The following MMP24 variants were observed in gnomAD, a reference collection of about 807,000 sequenced individuals.
MMP24 encodes matrix metalloproteinase-24.
A neutral mutation model predicts 62.8 loss-of-function variants in MMP24; 25 were observed. The ratio of observed to expected loss-of-function variants is 0.40; its 90% CI spans 0.29 to 0.56. The LOEUF (loss-of-function observed/expected upper bound fraction) is 0.56, where lower values mean the gene tolerates loss of function less well. MMP24 is among the 20% of genes least tolerant of loss of function. The pLI is 0.50. For synonymous variants in MMP24, 319 were observed against 350.5 expected, an observed-to-expected ratio of 0.91 and a Z score of 1.00; for missense variants, 634 against 853.6, an observed-to-expected ratio of 0.74 and a Z score of 3.21.
intron 1 of MMP24, among the ~76,000 whole-genome samples, chr20:35,232,038 G>A (rs1322556539): frequency 1.3e-5 from 2 of 152,068 alleles, no homozygotes; most frequent in African/African-American, 2.4e-5. Flanking sequence ...GTGAATCTCC[G>A]TCTCAGAAGA....
chr20:35,233,341 G>A (rs1049721254), intron 1 of MMP24, among the ~76,000 whole-genome samples: 3 of 152,048 alleles, frequency 2.0e-5, no homozygotes, highest in East Asian at 1.9e-4. Context: ...CCTGGGAGGC[G>A]GAGGTTACAG....
In MMP24 at chr20:35,264,707, CAAAAAAA is replaced by C. The variant is rs57309455; in HGVS notation, c.979+780_979+786del. Among the ~76,000 whole-genome samples, 18 of 43,540 alleles carry C rather than the reference CAAAAAAA, an allele frequency of 4.1e-4. No homozygotes were observed. The East Asian group carries it at 0.012, about 30-fold the overall frequency. 28.6% of individuals were successfully genotyped at this position (43,540 alleles called of 152,430 possible). Reference sequence around the variant, plus strand: ...TGGGCAACAGGGCGAGACTCCGTCTCAAAAAAAAAAAAAAAAAAAAAAAAAAAAAAAG... The same window carrying C: ...TGGGCAACAGGGCGAGACTCCGTCTCAAAAAAAAAAAAAAAAAAAAAAAAG... On this transcript the variant is annotated intron_variant, in intron 5 of 8. Coordinates refer to ENST00000246186, the MANE Select transcript of MMP24 (RefSeq NM_006690.4).
chr20:35,251,984 A>T lies in MMP24; in HGVS notation c.475A>T (p.Thr159Ser). The change falls in exon 3 of 9, where the codon ACT becomes TCT. Residue 159 changes from threonine to serine, a missense_variant. Around this residue, in one of 3 missense-constraint regions of MMP24, gnomAD observed 212 missense variants for 259.6 expected, o/e 0.82. Coordinates refer to ENST00000246186, the MANE Select transcript of MMP24 (RefSeq NM_006690.4). ...GCGGAGAAACAAGCGCTATGCCCTG[A>T]CTGGACAGAAGTGGAGGCAAAAACA... ...RRRRNKRYAL[T>S]GQKWRQKHIT... The T allele has an allele frequency of 6.2e-7, 1 of 1,614,042 alleles. No individual in the cohort carries two copies. The highest frequency in any genetic ancestry group is 1.1e-5 in the South Asian group (1 of 91,086).
At chr20:35,242,049 CATA>C (rs1417507649) in intron 1 of MMP24, among the ~76,000 whole-genome samples, 1 of 152,174 alleles carries the variant, frequency 6.6e-6, no homozygotes, top group African/African-American at 2.4e-5. Flanking sequence ...CATATTAAAA[CATA>C]ATGTCTTGTG....
Position 35,271,725 on chromosome 20 carries a change from G to A in MMP24, c.1490G>A (p.Trp497Ter). The A allele has an allele frequency of 6.2e-7, 1 of 1,606,914 alleles. No individual in the cohort carries two copies. Among genetic ancestry groups the A allele is most frequent in the Non-Finnish European group, 8.5e-7 (1 of 1,177,040 alleles). ...TACTTTTTCAAAGGCGAGCGGTACT[G>A]GCGCTACAGCGAGGAGCGGCGGGCC... ...KTYFFKGERY[W>*]RYSEERRATD... The change falls in exon 8 of 9, where the codon TGG (tryptophan) becomes TAG (stop). Residue 497 changes from tryptophan (W) to a stop codon, truncating the protein, a stop_gained. Transcript: ENST00000246186. LOFTEE classifies it high-confidence loss of function. The surrounding 1 kb of genome is among the most constrained non-coding windows in gnomAD (Gnocchi z 4.0).
intron 5 of MMP24, 39 bp from the exon 6 acceptor site, chr20:35,267,166 A>G: frequency 6.7e-7 from 1 of 1,500,404 alleles, no homozygotes; most frequent in South Asian, 1.2e-5. Flanking sequence ...GAGGCGGGAA[A>G]CGGCTGCCCC....
intron 1 of MMP24, among the ~76,000 whole-genome samples, chr20:35,239,998 T>C (rs2060481658): frequency 6.6e-6 from 1 of 152,126 alleles, no homozygotes; most frequent in Non-Finnish European, 1.5e-5. Context: ...GTGTGAGGTA[T>C]AGGAAGTCCT....
At chr20:35,238,481 G>A (rs2060473929) in intron 1 of MMP24, among the ~76,000 whole-genome samples, 1 of 152,172 alleles carries the variant, frequency 6.6e-6, no homozygotes, top group African/African-American at 2.4e-5. Context: ...AGGGGAGAGT[G>A]AACTGAATAG....
chr20:35,268,870 A>C (rs1261394668), intron 6 of MMP24, among the ~76,000 whole-genome samples: 1 of 152,118 alleles, frequency 6.6e-6, no homozygotes, highest in Non-Finnish European at 1.5e-5. Flanking sequence ...TACTAAAAAT[A>C]TAAAAAATTA....
At chr20:35,227,172 G>T (rs1417691563) in intron 1 of MMP24, among the ~76,000 whole-genome samples, 188 bp downstream of exon 1, 3 of 151,116 alleles carry the variant, frequency 2.0e-5, no homozygotes, top group Non-Finnish European at 4.4e-5. Context: ...CCTCGCCGAG[G>T]GCCGCCGAGG....
intron 4 of MMP24, among the ~76,000 whole-genome samples, chr20:35,255,110 C>T (rs1004341481): frequency 6.6e-6 from 1 of 152,208 alleles, no homozygotes; most frequent in African/African-American, 2.4e-5. Context: ...GCAGGTGGAT[C>T]ACCTGAGGTC....
At chr20:35,227,891 T>G (rs1024666391) in intron 1 of MMP24, among the ~76,000 whole-genome samples, 3 of 152,174 alleles carry the variant, frequency 2.0e-5, no homozygotes, top group African/African-American at 7.2e-5. Flanking sequence ...GAATTGGAAT[T>G]CTAACCTAGG....
At chr20:35,249,592 C>A (rs1600785450) in intron 2 of MMP24, among the ~76,000 whole-genome samples, 2 of 143,856 alleles carry the variant, frequency 1.4e-5, no homozygotes, top group South Asian at 4.4e-4. Flanking sequence ...ATAATAATTT[C>A]TTTTTTTTTT....
At chr20:35,257,950 C>G (rs753120841) in intron 4 of MMP24, among the ~76,000 whole-genome samples, 13 of 152,170 alleles carry the variant, frequency 8.5e-5, no homozygotes, top group Admixed American at 2.6e-4. Context: ...TATTGAGCAT[C>G]CATATATTAT....
In MMP24 at chr20:35,271,492, T is replaced by G. The variant is rs966752002; in HGVS notation, c.1334-77T>G. The G allele has an allele frequency of 7.8e-6, 12 of 1,531,834 alleles. No individual in the cohort carries two copies. Among genetic ancestry groups the G allele is most frequent in the Non-Finnish European group, 1.1e-5 (12 of 1,134,298 alleles). The allele number at this position is 1,531,834 out of a possible 1,614,324, so 94.9% of individuals were successfully genotyped here. A position where few individuals can be genotyped will look rare whatever the true frequency, so the allele number is the denominator to read the frequency against. ...AAGGGGCTGAGGGCATCAGACTGTT[T>G]TCACCTGACACCCTGAAGATGGGCA... is the stretch of plus-strand genomic sequence containing the variant. On this transcript the variant is annotated intron_variant, in intron 7 of 8. Coordinates refer to ENST00000246186, the MANE Select transcript of MMP24 (RefSeq NM_006690.4). This position sits in a 1 kb window ranked among gnomAD's most constrained non-coding sequence, Gnocchi z 4.0.
At chr20:35,250,844 G>C (rs146501606) in intron 2 of MMP24, among the ~76,000 whole-genome samples, 1 of 152,222 alleles carries the variant, frequency 6.6e-6, no homozygotes, top group East Asian at 1.9e-4. Context: ...GGGGAAGTCT[G>C]CCTGCATGGC....
At chr20:35,233,550 G>T (rs1024192871) in intron 1 of MMP24, among the ~76,000 whole-genome samples, 1 of 151,950 alleles carries the variant, frequency 6.6e-6, no homozygotes, top group African/African-American at 2.4e-5. Context: ...CTGAAATATT[G>T]AATAATAAAA....
intron 2 of MMP24, among the ~76,000 whole-genome samples, chr20:35,247,490 T>A (rs2060521797): frequency 6.6e-6 from 1 of 152,064 alleles, no homozygotes; most frequent in Non-Finnish European, 1.5e-5. Flanking sequence ...GCCACACCAG[T>A]CTAGAGCTCA....
intron 1 of MMP24, among the ~76,000 whole-genome samples, chr20:35,240,571 A>C (rs754522778): frequency 1.3e-5 from 2 of 152,044 alleles, no homozygotes; most frequent in Non-Finnish European, 2.9e-5. Context: ...TTTTTCCTTC[A>C]GTGGGTTTTA....
Sources: allele counts gnomAD v4.1 joint callset (sites outside exome capture counted in the v4.1 genomes callset), GRCh38; gene constraint gnomAD v4.1.1; regional missense constraint gnomAD v4.1.1; non-coding constraint Gnocchi (gnomAD v3.1); transcripts MANE v1.5; gene names NCBI Gene and HGNC (gene_info 2026-07-23, HGNC 2026-07-21).